Variants in CNTFR observed in about 807,000 individuals in gnomAD.
CNTFR encodes the protein ciliary neurotrophic factor receptor subunit alpha.
In CNTFR, 12 loss-of-function variants were observed where a neutral mutation model predicts 40.4. That is an observed-to-expected ratio of 0.30 (90% confidence interval 0.19 to 0.48). The LOEUF (loss-of-function observed/expected upper bound fraction) is 0.48. Ranked by LOEUF, CNTFR falls within the 20% of genes least tolerant of loss-of-function variation. The probability of loss-of-function intolerance (pLI) is 0.99; values close to 1 mark genes in which losing one functional copy is unlikely to be tolerated. For missense variants in CNTFR, 414 were observed against 506.8 expected (o/e 0.82, Z 1.76); for synonymous variants, 202 against 209.6 (o/e 0.96, Z 0.31).
At chr9:34,580,272 TC>T (rs2132248127) in intron 2 of CNTFR, 1 of 152,342 alleles carries the variant, frequency 6.6e-6, no homozygotes, top group Non-Finnish European at 1.5e-5. Flanking sequence ...TGAACTTCTA[TC>T]AGATACACAC....
rs976307306 is a variant in CNTFR, at chr9:34,552,002, G to A, written c.*69C>T. 2 of 884,828 alleles carry A rather than the reference G, an allele frequency of 2.3e-6. No individual in the cohort carries two copies. The highest frequency in any genetic ancestry group is 1.6e-5 in the African/African-American group (1 of 60,802). 54.8% of individuals were successfully genotyped at this position (884,828 alleles called of 1,614,324 possible). On this transcript the variant is annotated 3_prime_UTR_variant, in exon 10 of 10. Transcript: ENST00000378980. The surrounding 1 kb of genome is among the most constrained non-coding windows in gnomAD (Gnocchi z 5.1). Reference sequence around the variant, plus strand: ...GCCCGTGTGCAAAATAGAAACCGGGGTCTGCAGGCTCAGCTCCGGCCTCCT... The same window carrying A: ...GCCCGTGTGCAAAATAGAAACCGGGATCTGCAGGCTCAGCTCCGGCCTCCT...
chr9:34,573,531 AAAG>A (rs1047094339), intron 2 of CNTFR, among the ~76,000 whole-genome samples: 5 of 152,270 alleles, frequency 3.3e-5, no homozygotes, highest in African/African-American at 1.2e-4. Context: ...ACTGAAATCC[AAAG>A]AAGGTCACCG....
chr9:34,557,796 G>T lies in CNTFR; in HGVS notation c.437+71C>A. 6.4e-7 allele frequency: 1 copy of T among 1,552,652 alleles called. No individual in the cohort carries two copies. Among genetic ancestry groups the T allele is most frequent in the Non-Finnish European group, 8.8e-7 (1 of 1,133,696 alleles). On this transcript the variant is annotated intron_variant, in intron 5 of 9. Transcript: ENST00000378980. This position sits in a 1 kb window ranked among gnomAD's most constrained non-coding sequence, Gnocchi z 4.2. ...AAGGCAGGGCTGGGGTATGGACAGA[G>T]GGCATGGTGGTGGGATGGGGGAGAG...
rs1434618748 is a variant in CNTFR, at chr9:34,552,744, C to T, written c.879G>A (p.Trp293Ter). 6.2e-7 allele frequency: 1 copy of T among 1,613,754 alleles called. No individual in the cohort carries two copies. Among genetic ancestry groups the T allele is most frequent in the Non-Finnish European group, 8.5e-7 (1 of 1,179,966 alleles). Residue 293 changes from tryptophan to a stop codon, truncating the protein, a stop_gained, in exon 8 of 10, where the codon TGG (tryptophan) becomes TGA (stop). Coordinates refer to ENST00000378980, the MANE Select transcript of CNTFR (RefSeq NM_147164.3). LOFTEE classifies it high-confidence loss of function. This position sits in a 1 kb window ranked among gnomAD's most constrained non-coding sequence, Gnocchi z 5.1. ...AGGGCGTAGCGTGGGCGGCTACGCT[C>T]CAGTCACTCCATGTCCCAATCTCAT... ...KDNEIGTWSD[W>*]SVAAHATPWT... is the part of the protein sequence containing the mutation.
At chr9:34,588,210 G>A (rs1827621512) in intron 1 of CNTFR, among the ~76,000 whole-genome samples, 1 of 152,158 alleles carries the variant, frequency 6.6e-6, no homozygotes, top group African/African-American at 2.4e-5. Context: ...GGTTGTGACA[G>A]TGGAGACAGA....
chr9:34,564,784 G>A lies in CNTFR; in HGVS notation c.134C>T (p.Pro45Leu). 1 of 1,614,144 alleles carries A rather than the reference G, an allele frequency of 6.2e-7. No individual in the cohort carries two copies. The highest frequency in any genetic ancestry group is 8.5e-7 in the Non-Finnish European group (1 of 1,180,036). The change falls in exon 4 of 10, where the codon CCA (proline) becomes CTA (leucine). Residue 45 changes from proline to leucine, a missense_variant. Coordinates refer to ENST00000378980, the MANE Select transcript of CNTFR (RefSeq NM_147164.3). ...YERLGSDVTL[P>L]CGTANWDAAV... Reference sequence around the variant, plus strand: ...AGCATCCCAGTTTGCTGTCCCACATGGCAGTGTCACGTCAGAGCCCAGGCG... The same window carrying A: ...AGCATCCCAGTTTGCTGTCCCACATAGCAGTGTCACGTCAGAGCCCAGGCG...
intron 1 of CNTFR, among the ~76,000 whole-genome samples, chr9:34,585,956 G>A (rs1329219872): frequency 6.6e-6 from 1 of 152,226 alleles, no homozygotes; most frequent in East Asian, 1.9e-4. Flanking sequence ...GAGCAGGGGT[G>A]TCTTGCCTCC....
intron 7 of CNTFR, among the ~76,000 whole-genome samples, chr9:34,554,534 G>A (rs954338587): frequency 6.6e-6 from 1 of 152,144 alleles, no homozygotes; most frequent in Non-Finnish European, 1.5e-5. Flanking sequence ...CCTAGTCACT[G>A]ACATTGGCCT....
intron 3 of CNTFR, among the ~76,000 whole-genome samples, chr9:34,566,714 G>A (rs1193861489): frequency 2.6e-5 from 4 of 152,154 alleles, no homozygotes; most frequent in Non-Finnish European, 5.9e-5. Flanking sequence ...CATCAACACT[G>A]ACCAGGCAGC....
rs1427486793 is a variant in CNTFR at position 34,568,898 on chromosome 9, C to T, written c.84G>A (p.Gln28=). The change falls in exon 3 of 10, where the codon CAG becomes CAA. Residue 28 remains glutamine (Q), a splice_region_variant and synonymous_variant. Coordinates refer to ENST00000378980, the MANE Select transcript of CNTFR (RefSeq NM_147164.3). ...CAGGCGGCTCCCGTGAGCACTCACC[C>T]TGTGGACTGTGTCTCTGGGCGTAGA... is the stretch of plus-strand genomic sequence containing the variant. ...AVVYAQRHSP[Q]EAPHVQYERL... is the part of the protein sequence containing the mutation. The T allele has an allele frequency of 6.3e-7, 1 of 1,588,400 alleles. No individual in the cohort carries two copies. Among genetic ancestry groups the T allele is most frequent in the Non-Finnish European group, 8.6e-7 (1 of 1,167,814 alleles).
Position 34,557,593 on chromosome 9 carries a change from G to A in CNTFR, c.537C>T (p.Val179=). The stretch of plus-strand genomic sequence containing the variant: ...CCAGGGCATTGCTGACACTTATGGA[G>A]ACCTTGTACTTGATGGTGGAGAACA... ...MHLFSTIKYK[V]SISVSNALGH... The change falls in exon 6 of 10, where the codon GTC becomes GTT. Residue 179 remains valine, a synonymous_variant. Coordinates refer to ENST00000378980, the MANE Select transcript of CNTFR (RefSeq NM_147164.3). This position sits in a 1 kb window ranked among gnomAD's most constrained non-coding sequence, Gnocchi z 4.2. 1 of 1,614,210 alleles carries A rather than the reference G, an allele frequency of 6.2e-7. No individual in the cohort carries two copies. Among genetic ancestry groups the A allele is most frequent in the Non-Finnish European group, 8.5e-7 (1 of 1,180,030 alleles).
At chr9:34,556,647 C>T (rs768676401) in intron 6 of CNTFR, among the ~76,000 whole-genome samples, 9 of 152,142 alleles carry the variant, frequency 5.9e-5, no homozygotes, top group Non-Finnish European at 1.2e-4. Flanking sequence ...CAGTCACTGT[C>T]ACCAACTCTT....
chr9:34,582,893 T>A (rs528666744), intron 1 of CNTFR: 2 of 152,214 alleles, frequency 1.3e-5, no homozygotes, highest in African/African-American at 4.8e-5. Context: ...TATAGACCCA[T>A]CTGACCTTCA....
intron 4 of CNTFR, among the ~76,000 whole-genome samples, chr9:34,559,843 T>C (rs1170462464): frequency 1.3e-5 from 2 of 152,116 alleles, no homozygotes; most frequent in Non-Finnish European, 2.9e-5. Context: ...CACGGCACTG[T>C]ACTCACAGGC....
chr9:34,574,914 T>A (rs992000854), intron 2 of CNTFR, among the ~76,000 whole-genome samples: 1 of 152,140 alleles, frequency 6.6e-6, no homozygotes, highest in African/African-American at 2.4e-5. Context: ...TGGGGAGGCA[T>A]CCTGGGGAGA....
intron 2 of CNTFR, among the ~76,000 whole-genome samples, chr9:34,574,666 G>T (rs534848745): frequency 1.2e-4 from 18 of 152,346 alleles, no homozygotes; most frequent in African/African-American, 3.8e-4. Flanking sequence ...GAGTGAGTTG[G>T]GGGGGTTGGT....
intron 2 of CNTFR, among the ~76,000 whole-genome samples, chr9:34,575,522 A>G (rs771125540): frequency 5.3e-5 from 8 of 152,158 alleles, no homozygotes; most frequent in Non-Finnish European, 1.2e-4. Flanking sequence ...GGATGGATAG[A>G]ATGGCTTTCC....
intron 4 of CNTFR, among the ~76,000 whole-genome samples, chr9:34,561,435 A>G (rs1826071250): frequency 6.6e-6 from 1 of 152,210 alleles, no homozygotes; most frequent in Non-Finnish European, 1.5e-5. Context: ...TTGTAAATAA[A>G]AAGATGCTAC....
Position 34,552,891 on chromosome 9 carries a change from C to T in CNTFR, c.769-37G>A. 1 of 1,597,636 alleles carries T rather than the reference C, an allele frequency of 6.3e-7. No homozygotes were observed. ...CCATGGGGTGGGGGTAAGGACACAC[C>T]TGGGGGCCAGGAGGGTGAGGTCCCT... On this transcript the variant is annotated intron_variant, in intron 7 of 9. Coordinates refer to ENST00000378980, the MANE Select transcript of CNTFR (RefSeq NM_147164.3). The surrounding 1 kb of genome is among the most constrained non-coding windows in gnomAD (Gnocchi z 5.1).
Sources: allele counts gnomAD v4.1 joint callset (sites outside exome capture counted in the v4.1 genomes callset), GRCh38; gene constraint gnomAD v4.1.1; non-coding constraint Gnocchi (gnomAD v3.1); transcripts MANE v1.5; gene names NCBI Gene and HGNC (gene_info 2026-07-23, HGNC 2026-07-21).